Variants in ZNF106 observed in about 807,000 individuals in gnomAD.
ZNF106 encodes the protein zinc finger protein 106.
ZNF106 carries 67 observed loss-of-function variants against 195.1 expected under a neutral mutation model. That is an observed-to-expected ratio of 0.34 (90% CI 0.28 to 0.42). ZNF106 has a LOEUF of 0.42. Ranked by LOEUF, ZNF106 falls within the 10% of genes least tolerant of loss-of-function variation. ZNF106 has a pLI of 1.00. For synonymous variants in ZNF106, 784 were observed against 818.6 expected, an observed-to-expected ratio of 0.96 and a Z score of 0.72; for missense variants, 2,118 against 2,304.5, an observed-to-expected ratio of 0.92 and a Z score of 1.66.
At chr15:42,420,986 A>T in intron 20 of ZNF106, 75 bp downstream of exon 20, 1 of 1,271,436 alleles carries the variant, frequency 7.9e-7, no homozygotes, top group Middle Eastern at 1.8e-4. Context: ...CACTGATGAT[A>T]ATGAAGATCT....
rs2056814525 is a variant in ZNF106, at chr15:42,477,780, C to T, written c.-32-5459G>A. On this transcript the variant is annotated intron_variant, in intron 1 of 21. Transcript: ENST00000564754. ...TGGCAAGCACCTGTAATCCCAGCTACTCGGGAGGCTGAGGCAGGAGAGTCA... is the reference window on the plus strand; with the variant it reads ...TGGCAAGCACCTGTAATCCCAGCTATTCGGGAGGCTGAGGCAGGAGAGTCA... 2.6e-5 allele frequency among the ~76,000 whole-genome samples: 4 copies of T among 151,952 alleles called. No individual in the cohort carries two copies. The South Asian group carries it at 8.3e-4, about 32-fold the overall frequency.
Position 42,442,102 on chromosome 15 carries a change from T to A in ZNF106, c.3734A>T (p.Asn1245Ile), listed in dbSNP as rs748119750. 1.2e-6 allele frequency: 2 copies of A among 1,613,414 alleles called. No individual in the cohort carries two copies. The highest frequency in any genetic ancestry group is 2.2e-5 in the East Asian group (1 of 44,892). ...VNAVPPSSAC[N>I]VSKELLEANR... ...AGCTTCCAGTAATTCCTTGGACACATTGCAGGCAGAGCTTGGTGGCACAGC... is the reference window on the plus strand; with the variant it reads ...AGCTTCCAGTAATTCCTTGGACACAATGCAGGCAGAGCTTGGTGGCACAGC... Residue 1245 changes from asparagine to isoleucine, a missense_variant, in exon 10 of 22, where the codon AAT (asparagine) becomes ATT (isoleucine). Transcript: ENST00000564754.
At position 42,435,371 on chromosome 15, in the gene ZNF106, T is replaced by C; in HGVS notation, c.4881+13A>G. 1.9e-6 allele frequency: 3 copies of C among 1,614,178 alleles called. No homozygotes were observed. The highest frequency in any genetic ancestry group is 2.5e-6 in the Non-Finnish European group (3 of 1,180,008). On this transcript the variant is annotated intron_variant, in intron 14 of 21. Transcript: ENST00000564754. ...CAATATGAACCACTTTGGATTTCTC[T>C]GGACCCACCTACCTTAACATTATAG... is the stretch of plus-strand genomic sequence containing the variant.
At chr15:42,448,735 A>G (rs755979972) in intron 5 of ZNF106, 30 bp from the exon 6 acceptor site, 4 of 1,563,234 alleles carry the variant, frequency 2.6e-6, no homozygotes, top group Non-Finnish European at 3.4e-6. Context: ...ATGAAAACAT[A>G]AATTGGATAT....
chr15:42,417,551 A>G (rs1323443796), intron 21 of ZNF106, among the ~76,000 whole-genome samples, 191 bp from the exon 22 acceptor site: 1 of 152,234 alleles, frequency 6.6e-6, no homozygotes, highest in Non-Finnish European at 1.5e-5. Context: ...GCACAAGAGC[A>G]CTGTAATAAA....
intron 4 of ZNF106, among the ~76,000 whole-genome samples, chr15:42,452,985 C>T (rs1034901737): frequency 2.0e-5 from 3 of 152,158 alleles, no homozygotes; most frequent in Non-Finnish European, 2.9e-5. Context: ...TGAGCCACTG[C>T]GCCCGGCCTA....
chr15:42,467,106 C>T (rs993023963), intron 2 of ZNF106, among the ~76,000 whole-genome samples: 4 of 152,120 alleles, frequency 2.6e-5, no homozygotes, highest in African/African-American at 9.7e-5. Context: ...GTACTCCAGC[C>T]TGGCGACAGA....
intron 1 of ZNF106, among the ~76,000 whole-genome samples, chr15:42,489,672 G>A (rs78743564): frequency 6.6e-6 from 1 of 152,136 alleles, no homozygotes; most frequent in Admixed American, 6.6e-5. Flanking sequence ...ACTTGAGAAC[G>A]GGGCTTAAAG....
chr15:42,452,053 A>T, intron 4 of ZNF106, 99 bp from the exon 5 acceptor site: 1 of 1,326,176 alleles, frequency 7.5e-7, no homozygotes, highest in East Asian at 2.3e-5. Flanking sequence ...TCCTCCCGTT[A>T]CTTAGAATAT....
At chr15:42,440,999 ATATATATATATATATATATAT>A (rs1321455902) in intron 10 of ZNF106, among the ~76,000 whole-genome samples, 4,489 of 32,196 alleles carry the variant, frequency 0.14, 547 homozygotes, top group Non-Finnish European at 0.25. Context: ...AAAAAAAAAA[ATATATATATATATATATATAT>A]ATATATATAT....
intron 12 of ZNF106, among the ~76,000 whole-genome samples, chr15:42,438,214 C>G (rs1258149084): frequency 1.3e-5 from 2 of 152,086 alleles, no homozygotes; most frequent in Non-Finnish European, 2.9e-5. Flanking sequence ...TGACGAAACC[C>G]TGTCTCTACT....
chr15:42,483,049 G>A (rs181445791), intron 1 of ZNF106, among the ~76,000 whole-genome samples: 3 of 152,130 alleles, frequency 2.0e-5, no homozygotes, highest in East Asian at 3.9e-4. Context: ...GTTTACTATT[G>A]GAATTTTAAG....
chr15:42,447,303 T>C (rs369204380), intron 6 of ZNF106, among the ~76,000 whole-genome samples: 2 of 152,120 alleles, frequency 1.3e-5, no homozygotes, highest in South Asian at 2.1e-4. Context: ...CTGCTTGAGT[T>C]CAGGAGTTCC....
chr15:42,426,345 A>G (rs939649608), intron 15 of ZNF106, among the ~76,000 whole-genome samples: 1 of 151,396 alleles, frequency 6.6e-6, no homozygotes. Context: ...TCTTGTCATC[A>G]TCTCATCATT....
chr15:42,477,979 T>G (rs1369557839), intron 1 of ZNF106, among the ~76,000 whole-genome samples: 1 of 151,806 alleles, frequency 6.6e-6, no homozygotes, highest in Non-Finnish European at 1.5e-5. Flanking sequence ...TACACTGTTA[T>G]TTATTTATTT....
In ZNF106 at chr15:42,442,411, G is replaced by C. The variant is rs146282356; in HGVS notation, c.3425C>G (p.Thr1142Arg). Reference protein sequence around the residue: ...RIQILQGLQETYEPSEHPDQV... With the variant: ...RIQILQGLQERYEPSEHPDQV... ...GTCTGGGTGCTCAGAAGGTTCATAT[G>C]TTTCTAGAATGGGAAACATACATAC... The change falls in exon 10 of 22, where the codon ACA becomes AGA. Residue 1142 changes from threonine to arginine, a missense_variant. Physicochemically the swap from Thr to Arg is moderately conservative, Grantham distance 71. Coordinates refer to ENST00000564754, the MANE Select transcript of ZNF106 (RefSeq NM_001366845.3). 1.9e-6 allele frequency: 3 copies of C among 1,604,104 alleles called. No individual in the cohort carries two copies. The African/African-American group carries it at 4.0e-5, about 22-fold the overall frequency.
intron 14 of ZNF106, among the ~76,000 whole-genome samples, chr15:42,430,519 A>G (rs990274337): frequency 1.3e-5 from 2 of 151,986 alleles, no homozygotes; most frequent in Admixed American, 6.5e-5. Context: ...AGCTGGAACT[A>G]CAGGCGTGGG....
intron 2 of ZNF106, among the ~76,000 whole-genome samples, chr15:42,467,765 C>T (rs530517485): frequency 1.3e-5 from 2 of 152,056 alleles, no homozygotes; most frequent in African/African-American, 2.4e-5. Context: ...GCTGGTATCA[C>T]GCCACTGCAC....
intron 14 of ZNF106, among the ~76,000 whole-genome samples, chr15:42,428,434 A>G (rs1315227853): frequency 6.6e-6 from 1 of 152,234 alleles, no homozygotes; most frequent in Non-Finnish European, 1.5e-5. Context: ...TCTTAAATTA[A>G]GAGGCCAAAT....
Sources: gnomAD v4.1 joint callset for allele counts (sites outside exome capture counted in the v4.1 genomes callset) on GRCh38, gnomAD v4.1.1 for gene constraint, MANE v1.5 for transcripts, NCBI Gene and HGNC (gene_info 2026-07-23, HGNC 2026-07-21) for gene names.